The following AGPAT3 variants were observed in gnomAD, a reference collection of about 807,000 sequenced individuals.
The protein encoded by AGPAT3 is 1-acylglycerol-3-phosphate O-acyltransferase 3, also known as 1-acyl-sn-glycerol-3-phosphate acyltransferase gamma.
Under a neutral mutation model 47.3 loss-of-function variants are expected in AGPAT3, and 5 were observed. The ratio of observed to expected loss-of-function variants is 0.11; its 90% CI spans 0.06 to 0.22. AGPAT3 has a LOEUF of 0.22. Ranked by LOEUF, AGPAT3 falls within the 10% of genes least tolerant of loss-of-function variation. The probability of loss-of-function intolerance (pLI) is 1.00; values close to 1 mark genes in which losing one functional copy is unlikely to be tolerated. For synonymous variants in AGPAT3, 212 were observed against 208.3 expected (o/e 1.02, Z -0.15); for missense variants, 315 against 493.0 (o/e 0.64, Z 3.42).
At position 43,982,382 on chromosome 21, in the gene AGPAT3, A is replaced by G. The variant is rs544033115; in HGVS notation, c.1121A>G (p.Lys374Arg). 50 of 1,612,896 alleles carry G rather than the reference A, an allele frequency of 3.1e-5. No homozygotes were observed. The highest frequency in any genetic ancestry group is 1.2e-4 in the South Asian group (11 of 91,058). ...GSSYGNQEFK[K>R]KE ...AGCTACGGAAACCAAGAGTTTAAGA[A>G]AAAGGAATAATTAATGGCTGTGACT... The change falls in exon 10 of 10, where the codon AAA becomes AGA. Residue 374 changes from lysine to arginine, a missense_variant. Physicochemically the swap from Lys to Arg is conservative, Grantham distance 26. Transcript: ENST00000291572. The surrounding 1 kb of genome is among the most constrained non-coding windows in gnomAD (Gnocchi z 6.2).
intron 2 of AGPAT3, among the ~76,000 whole-genome samples, chr21:43,906,953 AG>A (rs1347296442): frequency 4.6e-5 from 7 of 151,978 alleles, no homozygotes; most frequent in Admixed American, 1.3e-4. Context: ...GGGAACAGGA[AG>A]GGTAGCTGCC....
chr21:43,890,810 TCA>T (rs1401458108), intron 1 of AGPAT3, among the ~76,000 whole-genome samples: 6 of 151,590 alleles, frequency 4.0e-5, no homozygotes, highest in Admixed American at 1.3e-4. Context: ...CAATCTCACC[TCA>T]CTGCAACCTC....
At chr21:43,887,280 C>T (rs1018489397) in intron 1 of AGPAT3, among the ~76,000 whole-genome samples, 7 of 152,214 alleles carry the variant, frequency 4.6e-5, no homozygotes, top group African/African-American at 1.7e-4. Flanking sequence ...GAAGCAGTCG[C>T]CACCCTCTGT....
rs2030090806 is a variant in AGPAT3 at position 43,984,796 on chromosome 21, T to TTTTTTTCTTTTTC, written c.*2409_*2410insTCTTTTTCTTTTT. Reference sequence around the variant, plus strand: ...TTCATAAATCCCAGAACAGTCTTTTTTTTTTCTTTTTCCTTTACACCCTAC... The same window carrying TTTTTTTCTTTTTC: ...TTCATAAATCCCAGAACAGTCTTTTTTTTTTTCTTTTTCTTTTTCTTTTTCCTTTACACCCTAC... On this transcript the variant is annotated 3_prime_UTR_variant, in exon 10 of 10. Transcript: ENST00000291572. The TTTTTTTCTTTTTC allele has an allele frequency of 5.2e-6, 1 of 193,894 alleles. No homozygotes were observed. Among genetic ancestry groups the TTTTTTTCTTTTTC allele is most frequent in the African/African-American group, 2.4e-5 (1 of 42,514 alleles). The allele number at this position is 193,894 out of a possible 1,614,324, so 12.0% of individuals were successfully genotyped here.
At chr21:43,875,076 G>A (rs953878880) in intron 1 of AGPAT3, among the ~76,000 whole-genome samples, 1 of 152,104 alleles carries the variant, frequency 6.6e-6, no homozygotes, top group Admixed American at 6.6e-5. Flanking sequence ...CGCCTCCCAG[G>A]TTCAAGCAAT....
At chr21:43,865,909 G>A (rs574163324) in intron 1 of AGPAT3, among the ~76,000 whole-genome samples, 30 of 152,110 alleles carry the variant, frequency 2.0e-4, no homozygotes, top group African/African-American at 6.7e-4. Context: ...CGCGCGGGGA[G>A]GGCTGCGGGG....
At chr21:43,946,024 C>T (rs1047356617) in intron 2 of AGPAT3, among the ~76,000 whole-genome samples, 1 of 152,306 alleles carries the variant, frequency 6.6e-6, no homozygotes, top group South Asian at 2.1e-4. Flanking sequence ...TCAGCCTCCA[C>T]CAGGACTCAG....
chr21:43,885,313 A>G (rs1423869738), intron 1 of AGPAT3, among the ~76,000 whole-genome samples: 1 of 151,922 alleles, frequency 6.6e-6, no homozygotes, highest in Non-Finnish European at 1.5e-5. Context: ...GTGTGTTCCT[A>G]GTTGGTCTCC....
intron 1 of AGPAT3, among the ~76,000 whole-genome samples, chr21:43,871,419 T>C (rs146537938): frequency 2.1e-3 from 317 of 152,356 alleles, no homozygotes; most frequent in African/African-American, 7.4e-3. Context: ...GTAAGATCTA[T>C]GCAAAGATAA....
intron 1 of AGPAT3, among the ~76,000 whole-genome samples, chr21:43,896,542 T>TAA (rs1890322362): frequency 1.3e-5 from 2 of 152,284 alleles, no homozygotes; most frequent in African/African-American, 4.8e-5. Flanking sequence ...CCTGCTTTTA[T>TAA]AAAGTTTTGC....
intron 2 of AGPAT3, among the ~76,000 whole-genome samples, chr21:43,936,052 C>A (rs949888409): frequency 6.6e-6 from 1 of 152,238 alleles, no homozygotes; most frequent in African/African-American, 2.4e-5. Context: ...GCTCACATGC[C>A]GCAGCCCTGG....
At chr21:43,974,578 T>C (rs1424942259) in intron 7 of AGPAT3, among the ~76,000 whole-genome samples, 1 of 151,188 alleles carries the variant, frequency 6.6e-6, no homozygotes, top group Admixed American at 6.6e-5. Flanking sequence ...TGTGTGTATA[T>C]AAATCGTGAG....
intron 2 of AGPAT3, among the ~76,000 whole-genome samples, chr21:43,935,518 G>A (rs2146315828): frequency 6.6e-6 from 1 of 152,268 alleles, no homozygotes; most frequent in East Asian, 1.9e-4. Flanking sequence ...AAGTCCAGGA[G>A]CGGCCTGCAG....
At chr21:43,911,029 C>A (rs1010973356) in intron 2 of AGPAT3, among the ~76,000 whole-genome samples, 12 of 152,184 alleles carry the variant, frequency 7.9e-5, no homozygotes, top group African/African-American at 2.7e-4. Context: ...TGGAGGGAAC[C>A]ACTGTAAGCG....
At chr21:43,866,550 C>T (rs906746011) in intron 1 of AGPAT3, 2 of 152,264 alleles carry the variant, frequency 1.3e-5, no homozygotes, top group Non-Finnish European at 2.9e-5. Flanking sequence ...TGAGCACTCT[C>T]TTGATTTGGC....
At chr21:43,886,406 A>G (rs2085979846) in intron 1 of AGPAT3, among the ~76,000 whole-genome samples, 1 of 152,022 alleles carries the variant, frequency 6.6e-6, no homozygotes, top group Admixed American at 6.6e-5. Flanking sequence ...GCCATATGCT[A>G]TCATGCCTGG....
intron 2 of AGPAT3, among the ~76,000 whole-genome samples, chr21:43,945,692 A>G (rs1279761471): frequency 6.6e-6 from 1 of 152,074 alleles, no homozygotes; most frequent in Non-Finnish European, 1.5e-5. Context: ...GCTGTTCTGA[A>G]ACCTACTCGG....
intron 2 of AGPAT3, among the ~76,000 whole-genome samples, chr21:43,958,093 T>G (rs2088579908): frequency 6.6e-6 from 1 of 152,242 alleles, no homozygotes; most frequent in South Asian, 2.1e-4. Flanking sequence ...TTGCAGAGAT[T>G]GATTGTGCAG....
chr21:43,953,133 C>T (rs928569402), intron 2 of AGPAT3, among the ~76,000 whole-genome samples: 7 of 152,266 alleles, frequency 4.6e-5, no homozygotes, highest in East Asian at 1.9e-4. Context: ...GTGTGGGGCA[C>T]GCCGCAGAGA....
Sources: gnomAD v4.1 joint callset for allele counts (sites outside exome capture counted in the v4.1 genomes callset) on GRCh38, gnomAD v4.1.1 for gene constraint, Gnocchi (gnomAD v3.1) non-coding constraint, MANE v1.5 for transcripts, NCBI Gene and HGNC (gene_info 2026-07-23, HGNC 2026-07-21) for gene names.